The following GUCY1A2 variants were observed in gnomAD, a reference collection of about 807,000 sequenced individuals.
The protein encoded by GUCY1A2 is guanylate cyclase 1 soluble subunit alpha 2, also known as guanylate cyclase soluble subunit alpha-2.
GUCY1A2 carries 27 observed loss-of-function variants against 63.5 expected under a neutral mutation model. The observed-to-expected ratio is 0.43, with a 90% CI of 0.31 to 0.59. GUCY1A2 has a LOEUF of 0.59. Ranked by LOEUF, GUCY1A2 falls within the 20% of genes least tolerant of loss-of-function variation. The probability of loss-of-function intolerance (pLI) is 0.11; values close to 1 mark genes in which losing one functional copy is unlikely to be tolerated. For synonymous variants in GUCY1A2, 364 were observed against 343.5 expected (o/e 1.06, Z -0.66); for missense variants, 768 against 913.3 (o/e 0.84, Z 2.05).
intron 4 of GUCY1A2, among the ~76,000 whole-genome samples, chr11:106,892,710 C>A (rs1859991260): frequency 6.6e-6 from 1 of 152,028 alleles, no homozygotes; most frequent in South Asian, 2.1e-4. Context: ...TTATTTCCTC[C>A]TTGTAGTAAA....
intron 1 of GUCY1A2, among the ~76,000 whole-genome samples, chr11:107,000,380 T>G (rs10502081): frequency 0.069 from 10,527 of 152,164 alleles, 773 homozygotes; most frequent in African/African-American, 0.19. Flanking sequence ...ATAGTCTGTA[T>G]CTAAGGTTTA....
Position 106,726,838 on chromosome 11 carries a change from A to G in GUCY1A2, c.1837-18172T>C, listed in dbSNP as rs148950880. ...AAAGGTGGTGGCAGATTGTGAAATAATTTTGAATGGAAGAGTTAAATCTGA... is the reference window on the plus strand; with the variant it reads ...AAAGGTGGTGGCAGATTGTGAAATAGTTTTGAATGGAAGAGTTAAATCTGA... On this transcript the variant is annotated intron_variant, in intron 6 of 7. Coordinates refer to ENST00000526355, the MANE Select transcript of GUCY1A2 (RefSeq NM_000855.3). Among the ~76,000 whole-genome samples the G allele has an allele frequency of 6.7e-3, 1,023 of 152,318 alleles. 12 individuals are homozygous for G. Among genetic ancestry groups the G allele is most frequent in the African/African-American group, 0.022 (929 of 41,580 alleles).
chr11:106,769,133 C>G (rs534621887), intron 6 of GUCY1A2, among the ~76,000 whole-genome samples: 169 of 146,060 alleles, frequency 1.2e-3, no homozygotes, highest in African/African-American at 3.9e-3. Context: ...CTCCAGCATT[C>G]AAACAAAAAA....
At chr11:106,976,056 T>C (rs1013150195) in intron 3 of GUCY1A2, among the ~76,000 whole-genome samples, 2 of 152,196 alleles carry the variant, frequency 1.3e-5, no homozygotes, top group African/African-American at 4.8e-5. Context: ...TCAAGTCTTT[T>C]TTGATGATGA....
chr11:106,917,852 G>C (rs1860388859), intron 4 of GUCY1A2, among the ~76,000 whole-genome samples: 1 of 139,320 alleles, frequency 7.2e-6, no homozygotes, highest in Non-Finnish European at 1.6e-5. Context: ...TAAATGATGA[G>C]TTAATGGGTG....
intron 4 of GUCY1A2, among the ~76,000 whole-genome samples, chr11:106,926,662 A>T (rs2119925931): frequency 6.6e-6 from 1 of 152,034 alleles, no homozygotes; most frequent in African/African-American, 2.4e-5. Flanking sequence ...TTTTTAAATT[A>T]ATTAATTTAA....
rs114061647 is a variant in GUCY1A2 at position 107,004,571 on chromosome 11, C to T, written c.303+13182G>A. 4.0e-3 allele frequency among the ~76,000 whole-genome samples: 609 copies of T among 152,154 alleles called. 6 individuals are homozygous for T. The highest frequency in any genetic ancestry group is 0.014 in the African/African-American group (593 of 41,508). ...TAGGACTATTCTAGGTGCTGCAAAG[C>T]CCACAGAGAGCAACGCTGACAAGGT... On this transcript the variant is annotated intron_variant, in intron 1 of 7. Coordinates refer to ENST00000526355, the MANE Select transcript of GUCY1A2 (RefSeq NM_000855.3).
intron 1 of GUCY1A2, among the ~76,000 whole-genome samples, chr11:107,015,599 C>A (rs1037973398): frequency 2.0e-5 from 2 of 98,830 alleles, no homozygotes; most frequent in South Asian, 3.8e-4. Flanking sequence ...AAAAAAAAAA[C>A]CTCCAAGGTT....
chr11:106,831,256 C>T (rs901861974), intron 4 of GUCY1A2, among the ~76,000 whole-genome samples: 2 of 152,140 alleles, frequency 1.3e-5, no homozygotes, highest in Non-Finnish European at 2.9e-5. Flanking sequence ...ATGTCTCAGA[C>T]ACAGATAATC....
intron 6 of GUCY1A2, among the ~76,000 whole-genome samples, chr11:106,755,149 A>G (rs1173086201): frequency 2.0e-5 from 3 of 152,152 alleles, no homozygotes; most frequent in African/African-American, 4.8e-5. Flanking sequence ...GGGTGTTTAT[A>G]GTATTCTCTG....
At chr11:106,830,771 G>A (rs1271896102) in intron 4 of GUCY1A2, among the ~76,000 whole-genome samples, 2 of 152,048 alleles carry the variant, frequency 1.3e-5, no homozygotes, top group African/African-American at 2.4e-5. Flanking sequence ...TATCCTATTA[G>A]TTCCGACCCT....
chr11:106,951,512 A>G (rs1047962326), intron 3 of GUCY1A2, among the ~76,000 whole-genome samples: 4 of 151,996 alleles, frequency 2.6e-5, no homozygotes, highest in African/African-American at 9.7e-5. Flanking sequence ...GCTTTTTTTC[A>G]TGATTGTTGG....
chr11:106,857,732 C>A (rs1188654166), intron 4 of GUCY1A2, among the ~76,000 whole-genome samples: 1 of 152,126 alleles, frequency 6.6e-6, no homozygotes, highest in Non-Finnish European at 1.5e-5. Flanking sequence ...AGACTTTTTT[C>A]TTGTCATTAT....
chr11:106,902,643 T>C (rs568053760), intron 4 of GUCY1A2, among the ~76,000 whole-genome samples: 2 of 152,328 alleles, frequency 1.3e-5, no homozygotes, highest in African/African-American at 4.8e-5. Context: ...AGTGAAAGTA[T>C]TTATAATCGG....
At chr11:106,992,084 T>A (rs2513109) in intron 1 of GUCY1A2, among the ~76,000 whole-genome samples, 4 of 152,062 alleles carry the variant, frequency 2.6e-5, no homozygotes, top group African/African-American at 9.7e-5. Context: ...GGCTCCCAAA[T>A]CTAAGCATGT....
intron 6 of GUCY1A2, among the ~76,000 whole-genome samples, chr11:106,711,599 T>G (rs1863119955): frequency 6.6e-6 from 1 of 152,118 alleles, no homozygotes; most frequent in African/African-American, 2.4e-5. Context: ...TTCCAACTCA[T>G]GGGATGTGGA....
chr11:106,986,662 AT>A (rs933087579), intron 1 of GUCY1A2, among the ~76,000 whole-genome samples: 5 of 152,090 alleles, frequency 3.3e-5, no homozygotes, highest in Non-Finnish European at 7.4e-5. Flanking sequence ...CTTAAATGAT[AT>A]TTTTTTCCCC....
At chr11:106,958,670 A>G (rs902480170) in intron 3 of GUCY1A2, among the ~76,000 whole-genome samples, 3 of 151,980 alleles carry the variant, frequency 2.0e-5, no homozygotes, top group African/African-American at 7.2e-5. Flanking sequence ...TTGGAAGGAT[A>G]CTACGAGTTA....
intron 3 of GUCY1A2, among the ~76,000 whole-genome samples, chr11:106,958,053 A>G (rs1861013159): frequency 6.6e-6 from 1 of 152,096 alleles, no homozygotes; most frequent in Non-Finnish European, 1.5e-5. Flanking sequence ...TTAGTATGTT[A>G]TTGTGTTTCC....
Sources: allele counts gnomAD v4.1 joint callset (sites outside exome capture counted in the v4.1 genomes callset), GRCh38; gene constraint gnomAD v4.1.1; transcripts MANE v1.5; gene names NCBI Gene and HGNC (gene_info 2026-07-23, HGNC 2026-07-21).